Variants in NAA16 observed in about 807,000 individuals in gnomAD.
NAA16 encodes N-alpha-acetyltransferase 16, NatA auxiliary subunit.
A neutral mutation model predicts 110.3 loss-of-function variants in NAA16; 97 were observed. The observed-to-expected ratio is 0.88, with a 90% confidence interval of 0.75 to 1.04. The LOEUF (loss-of-function observed/expected upper bound fraction) is 1.04, where lower values mean the gene tolerates loss of function less well. Among genes scored for constraint, NAA16 ranks in the 50% least tolerant of loss-of-function variants. The pLI, the probability that NAA16 is intolerant of heterozygous loss-of-function variation, is 0.00. For missense variants in NAA16, 1,017 were observed against 1,005.1 expected, an observed-to-expected ratio of 1.01 and a Z score of -0.16; for synonymous variants, 372 against 330.6, an observed-to-expected ratio of 1.13 and a Z score of -1.36.
intron 2 of NAA16, among the ~76,000 whole-genome samples, chr13:41,317,970 A>G (rs541552372): frequency 2.0e-5 from 3 of 152,346 alleles, no homozygotes; most frequent in African/African-American, 7.2e-5. Flanking sequence ...AACTGATGTT[A>G]ATTAGCCTAA....
chr13:41,358,715 CAG>C (rs781047252), intron 11 of NAA16, 93 bp from the exon 12 acceptor site: 273 of 1,466,798 alleles, frequency 1.9e-4, no homozygotes, highest in South Asian at 6.7e-4. Context: ...GAAATGGTGA[CAG>C]ATTTCTTTTT....
At position 41,372,792 on chromosome 13, in the gene NAA16, C is replaced by G; in HGVS notation, c.2117C>G (p.Pro706Arg). Residue 706 changes from proline to arginine, a missense_variant, in exon 17 of 20, where the codon CCA becomes CGA. Pro to Arg is a moderately radical substitution (Grantham distance 103). Transcript: ENST00000379406. ...GCTTTTGCCATTAACAGTAATAACC[C>G]ATGGTTACATGAATGTTTAATTAGA... ...KRAFAINSNN[P>R]WLHECLIRFS... 6.3e-7 allele frequency: 1 copy of G among 1,593,242 alleles called. No individual in the cohort carries two copies. The highest frequency in any genetic ancestry group is 8.6e-7 in the Non-Finnish European group (1 of 1,166,786).
chr13:41,350,208 A>C (rs909328490), intron 9 of NAA16, among the ~76,000 whole-genome samples: 3 of 151,642 alleles, frequency 2.0e-5, no homozygotes, highest in Admixed American at 6.6e-5. Context: ...GGCTGCAGTG[A>C]ACTTAGACTG....
At chr13:41,368,827 TATGCA>T (rs2043258168) in intron 14 of NAA16, among the ~76,000 whole-genome samples, 1 of 152,214 alleles carries the variant, frequency 6.6e-6, no homozygotes, top group African/African-American at 2.4e-5. Context: ...GAAGTCATTA[TATGCA>T]ACTTAAAGCA....
In NAA16 at chr13:41,331,312, A is replaced by G. The variant is rs766164660; in HGVS notation, c.850A>G (p.Ser284Gly). The change falls in exon 8 of 20, where the codon AGT becomes GGT. Residue 284 changes from serine to glycine, a missense_variant. Ser to Gly is a moderately conservative substitution (Grantham distance 56). Coordinates refer to ENST00000379406, the MANE Select transcript of NAA16 (RefSeq NM_024561.5). ...EERLQIYEEI[S>G]KQHPKAITPR... ...GAGGCTTCAAATTTATGAAGAAATTAGTAAGCAGCACCCCAAAGCAATTAC... is the reference window on the plus strand; with the variant it reads ...GAGGCTTCAAATTTATGAAGAAATTGGTAAGCAGCACCCCAAAGCAATTAC... The G allele has an allele frequency of 6.8e-6, 11 of 1,610,108 alleles. No individual in the cohort carries two copies. In the African/African-American group the frequency reaches 1.5e-4, roughly 22 times the overall value.
At position 41,372,746 on chromosome 13, in the gene NAA16, ATGC is replaced by A. The variant is rs1198149121; in HGVS notation, c.2075_2077del (p.Leu692del). 4 of 1,600,454 alleles carry A rather than the reference ATGC, an allele frequency of 2.5e-6. No individual in the cohort carries two copies. The highest frequency in any genetic ancestry group is 2.7e-5 in the African/African-American group (2 of 74,598). On this transcript the variant is annotated inframe_deletion, in exon 17 of 20. Transcript: ENST00000379406. The stretch of plus-strand genomic sequence containing the variant: ...TTCTGACACAGGAAAGTTTCTGTTA[ATGC>A]TGCAGTCTGTCAAACGAGCTTTTGC...
intron 3 of NAA16, 119 bp from the exon 4 acceptor site, chr13:41,320,548 C>T: frequency 1.0e-6 from 1 of 971,000 alleles, no homozygotes; most frequent in Non-Finnish European, 1.5e-6. Flanking sequence ...CCCCAGACTC[C>T]AGATCATTCT....
At position 41,367,555 on chromosome 13, in the gene NAA16, C is replaced by CT; in HGVS notation, c.1660dup (p.Tyr554LeufsTer6). The CT allele has an allele frequency of 6.2e-7, 1 of 1,613,078 alleles. No individual in the cohort carries two copies. The highest frequency in any genetic ancestry group is 8.5e-7 in the Non-Finnish European group (1 of 1,179,548). Reference sequence around the variant, plus strand: ...TAGAAGATATACTCAGAAGACATGCCTTTTATTTCAAGGCTGCTAGATCAG... The same window carrying CT: ...TAGAAGATATACTCAGAAGACATGCCTTTTTATTTCAAGGCTGCTAGATCAG... On this transcript the variant is annotated frameshift_variant, in exon 14 of 20. Coordinates refer to ENST00000379406, the MANE Select transcript of NAA16 (RefSeq NM_024561.5). LOFTEE classifies it high-confidence loss of function.
Position 41,372,347 on chromosome 13 carries a change from A to G in NAA16, c.2056+36A>G, listed in dbSNP as rs200366568. On this transcript the variant is annotated intron_variant, in intron 16 of 19. Coordinates refer to ENST00000379406, the MANE Select transcript of NAA16 (RefSeq NM_024561.5). ...GTTTGAGTTCAGTTTTTAATCTTTAATTATATTTGTGACCATATTCAGTGT... is the reference window on the plus strand; with the variant it reads ...GTTTGAGTTCAGTTTTTAATCTTTAGTTATATTTGTGACCATATTCAGTGT... 1.6e-4 allele frequency: 248 copies of G among 1,550,882 alleles called. No individual in the cohort carries two copies. The African/African-American group carries it at 2.9e-3, about 18-fold the overall frequency.
intron 7 of NAA16, among the ~76,000 whole-genome samples, chr13:41,329,568 A>G (rs2042181398): frequency 6.6e-6 from 1 of 150,788 alleles, no homozygotes; most frequent in African/African-American, 2.4e-5. Context: ...GTAGCTACCC[A>G]CATTCATTTA....
chr13:41,345,184 A>G (rs1249882980), intron 9 of NAA16, among the ~76,000 whole-genome samples: 1 of 152,098 alleles, frequency 6.6e-6, no homozygotes, highest in Non-Finnish European at 1.5e-5. Flanking sequence ...ACATGCTTCC[A>G]TTTCTCTTAG....
In NAA16 at chr13:41,365,360, T is replaced by C. The variant is rs537989974; in HGVS notation, c.1540-2079T>C. Among the ~76,000 whole-genome samples, 11 of 152,308 alleles carry C rather than the reference T, an allele frequency of 7.2e-5. No individual in the cohort carries two copies. The South Asian group carries it at 1.7e-3, about 23-fold the overall frequency. On this transcript the variant is annotated intron_variant, in intron 13 of 19. Coordinates refer to ENST00000379406, the MANE Select transcript of NAA16 (RefSeq NM_024561.5). ...TGGTTTTGATACTGTATTGTAGTTATGTAGGCTGTAACCTTCGGGGGAAAC... is the reference window on the plus strand; with the variant it reads ...TGGTTTTGATACTGTATTGTAGTTACGTAGGCTGTAACCTTCGGGGGAAAC...
intron 10 of NAA16, 53 bp downstream of exon 10, chr13:41,355,269 C>T: frequency 9.1e-7 from 1 of 1,094,374 alleles, no homozygotes; most frequent in Non-Finnish European, 1.4e-6. Context: ...CATTTTTAAT[C>T]ACAGTAATGC....
intron 16 of NAA16, chr13:41,372,513 A>G (rs2043342505): frequency 2.0e-6 from 2 of 985,260 alleles, no homozygotes; most frequent in Non-Finnish European, 2.4e-6. Flanking sequence ...AGTTTGAACA[A>G]CCATACAAAT....
At chr13:41,313,481 T>C (rs559416971) in intron 1 of NAA16, among the ~76,000 whole-genome samples, 1 of 152,374 alleles carries the variant, frequency 6.6e-6, no homozygotes, top group South Asian at 2.1e-4. Context: ...GGGTAAAATT[T>C]GGCTACAACA....
intron 3 of NAA16, among the ~76,000 whole-genome samples, chr13:41,319,548 ACT>A (rs1403870915): frequency 2.0e-5 from 3 of 151,714 alleles, no homozygotes; most frequent in Admixed American, 6.6e-5. Context: ...AGGGAGTCTC[ACT>A]CTGTCACCCA....
chr13:41,360,515 G>T (rs1160655389), intron 12 of NAA16, among the ~76,000 whole-genome samples: 1 of 152,088 alleles, frequency 6.6e-6, no homozygotes, highest in African/African-American at 2.4e-5. Context: ...AAGGTGAGAG[G>T]AGTTGGTTAT....
Position 41,367,577 on chromosome 13 carries a change from T to A in NAA16, c.1678T>A (p.Ser560Thr), listed in dbSNP as rs987570749. 6.2e-7 allele frequency: 1 copy of A among 1,613,210 alleles called. No individual in the cohort carries two copies. The highest frequency in any genetic ancestry group is 1.3e-5 in the African/African-American group (1 of 74,872). ...TGCCTTTTATTTCAAGGCTGCTAGA[T>A]CAGCGATTGAAATATACTTGAAATT... is the stretch of plus-strand genomic sequence containing the variant. ...RHAFYFKAAR[S>T]AIEIYLKLYD... Residue 560 changes from serine (S) to threonine (T), a missense_variant, in exon 14 of 20, where the codon TCA (serine) becomes ACA (threonine). Transcript: ENST00000379406.
intron 19 of NAA16, among the ~76,000 whole-genome samples, chr13:41,375,059 T>C (rs2043402236): frequency 6.6e-6 from 1 of 152,206 alleles, no homozygotes; most frequent in Non-Finnish European, 1.5e-5. Flanking sequence ...ACAGAATCCA[T>C]GTGAGAGTTA....
Sources: allele counts gnomAD v4.1 joint callset (sites outside exome capture counted in the v4.1 genomes callset), GRCh38; gene constraint gnomAD v4.1.1; transcripts MANE v1.5; gene names NCBI Gene and HGNC (gene_info 2026-07-23, HGNC 2026-07-21).